The following MAST4 variants were observed in gnomAD, a reference collection of about 807,000 sequenced individuals.
The protein encoded by MAST4 is microtubule-associated serine/threonine-protein kinase 4.
A neutral mutation model predicts 162.7 loss-of-function variants in MAST4; 89 were observed. The observed-to-expected ratio is 0.55, with a 90% CI of 0.46 to 0.65. The LOEUF is 0.65. Among genes scored for constraint, MAST4 ranks in the 30% least tolerant of loss-of-function variants. The pLI, the probability that MAST4 is intolerant of heterozygous loss-of-function variation, is 0.00. For missense variants in MAST4, 3,153 were observed against 3,374.0 expected (o/e 0.93, Z 1.62); for synonymous variants, 1,479 against 1,361.1 (o/e 1.09, Z -1.91).
intron 1 of MAST4, among the ~76,000 whole-genome samples, chr5:66,609,826 T>A (rs1467883546): frequency 1.3e-5 from 2 of 151,780 alleles, no homozygotes; most frequent in Non-Finnish European, 2.9e-5. Context: ...GAGTGTATAG[T>A]ACCATACACT....
At position 66,940,719 on chromosome 5, in the gene MAST4, A is replaced by G. The variant is rs184165749; in HGVS notation, c.674+40737A>G. On this transcript the variant is annotated intron_variant, in intron 4 of 28. Transcript: ENST00000403625. Reference sequence around the variant, plus strand: ...CAGTCATCTGTGAGAGTTGGAATCAATTTCTTCCACACTTCTGTTTAGGTT... The same window carrying G: ...CAGTCATCTGTGAGAGTTGGAATCAGTTTCTTCCACACTTCTGTTTAGGTT... Among the ~76,000 whole-genome samples, 586 of 152,150 alleles carry G rather than the reference A, an allele frequency of 3.9e-3. 7 individuals are homozygous for G. The highest frequency in any genetic ancestry group is 6.8e-3 in the Middle Eastern group (2 of 294).
At chr5:66,985,789 T>C (rs1581110913) in intron 4 of MAST4, among the ~76,000 whole-genome samples, 1 of 152,204 alleles carries the variant, frequency 6.6e-6, no homozygotes, top group East Asian at 1.9e-4. Context: ...GCTTCCTATG[T>C]CGTTGAATTA....
intron 4 of MAST4, among the ~76,000 whole-genome samples, chr5:66,907,165 G>GAC (rs1763412851): frequency 6.9e-5 from 2 of 29,192 alleles, no homozygotes; most frequent in African/African-American, 3.2e-4. Context: ...AAGCGAGAGA[G>GAC]AGAGAGAGAG....
intron 3 of MAST4, among the ~76,000 whole-genome samples, chr5:66,866,272 G>A (rs557445340): frequency 1.1e-3 from 165 of 152,180 alleles, no homozygotes; most frequent in Non-Finnish European, 1.9e-3. Flanking sequence ...AAAAGTCTGC[G>A]TTTAACTGGA....
At chr5:66,893,471 A>G (rs1580789555) in intron 3 of MAST4, among the ~76,000 whole-genome samples, 1 of 151,870 alleles carries the variant, frequency 6.6e-6, no homozygotes, top group Non-Finnish European at 1.5e-5. Flanking sequence ...CAAGTGATCC[A>G]CACGTCTCGG....
intron 5 of MAST4, among the ~76,000 whole-genome samples, chr5:67,076,820 A>G (rs1250824598): frequency 1.3e-5 from 2 of 152,198 alleles, no homozygotes; most frequent in Non-Finnish European, 2.9e-5. Context: ...AGTGGTTATT[A>G]AAGTGATTCC....
chr5:66,845,126 T>TAC (rs1554058478), intron 3 of MAST4, among the ~76,000 whole-genome samples: 4,628 of 66,390 alleles, frequency 0.07, 333 homozygotes, highest in East Asian at 0.089. Flanking sequence ...TATATATATA[T>TAC]ACACACACAC....
rs937390790 is a variant in MAST4, at chr5:66,925,050, A to G, written c.674+25068A>G. Among the ~76,000 whole-genome samples the G allele has an allele frequency of 1.1e-4, 16 of 152,328 alleles. No individual in the cohort carries two copies. In the East Asian group the frequency reaches 2.7e-3, roughly 26 times the overall value. ...GATAGTTTTTACCCATAATCTAACC[A>G]TGTAGGATAGTTGGCACAAATGTTT... is the stretch of plus-strand genomic sequence containing the variant. On this transcript the variant is annotated intron_variant, in intron 4 of 28. Transcript: ENST00000403625.
chr5:67,055,109 C>A (rs562950034), intron 5 of MAST4, among the ~76,000 whole-genome samples: 25 of 151,560 alleles, frequency 1.6e-4, no homozygotes, highest in Non-Finnish European at 3.1e-4. Flanking sequence ...GAGCCATTTG[C>A]CCAAGATGTT....
chr5:67,009,702 C>T (rs367962227), intron 4 of MAST4, among the ~76,000 whole-genome samples: 4 of 152,104 alleles, frequency 2.6e-5, no homozygotes, highest in African/African-American at 9.6e-5. Flanking sequence ...GGTGAAGCTG[C>T]GGAGGAGAGC....
At chr5:66,729,696 C>T (rs1257684209) in intron 1 of MAST4, among the ~76,000 whole-genome samples, 2 of 152,120 alleles carry the variant, frequency 1.3e-5, no homozygotes, top group East Asian at 1.9e-4. Flanking sequence ...GGGAAGCCAT[C>T]GTGATTAGGA....
chr5:67,011,074 C>T (rs1164025806), intron 4 of MAST4, among the ~76,000 whole-genome samples: 1 of 152,160 alleles, frequency 6.6e-6, no homozygotes, highest in African/African-American at 2.4e-5. Context: ...TTCCTTTTCA[C>T]CTCCCTCTGG....
intron 1 of MAST4, among the ~76,000 whole-genome samples, chr5:66,647,898 T>C (rs151152314): frequency 7.9e-5 from 12 of 152,112 alleles, no homozygotes; most frequent in African/African-American, 2.9e-4. Flanking sequence ...GAGGGAAAGG[T>C]GGGAATTAAA....
chr5:66,931,488 G>A (rs1005828504), intron 4 of MAST4, among the ~76,000 whole-genome samples: 2 of 152,154 alleles, frequency 1.3e-5, no homozygotes, highest in African/African-American at 4.8e-5. Context: ...GTTGCAATGA[G>A]GTTTGTGAAA....
intron 3 of MAST4, among the ~76,000 whole-genome samples, chr5:66,864,375 G>A (rs1199282132): frequency 1.3e-5 from 2 of 152,098 alleles, no homozygotes; most frequent in East Asian, 3.9e-4. Flanking sequence ...TTTGGGAACA[G>A]CGCAAAGACC....
At chr5:67,105,781 A>C (rs572172742) in intron 10 of MAST4, among the ~76,000 whole-genome samples, 2 of 152,322 alleles carry the variant, frequency 1.3e-5, no homozygotes, top group South Asian at 4.1e-4. Flanking sequence ...TTATCTCATC[A>C]CGCACAGATG....
intron 1 of MAST4, among the ~76,000 whole-genome samples, chr5:66,696,451 C>T (rs1749409499): frequency 6.6e-6 from 1 of 152,166 alleles, no homozygotes; most frequent in African/African-American, 2.4e-5. Flanking sequence ...CACACCCACT[C>T]ATTCACTGAT....
At chr5:66,949,738 A>G (rs1744446116) in intron 4 of MAST4, among the ~76,000 whole-genome samples, 2 of 151,998 alleles carry the variant, frequency 1.3e-5, no homozygotes, top group Admixed American at 1.3e-4. Context: ...TTGTCTTTTA[A>G]TCCTATTTTT....
intron 5 of MAST4, among the ~76,000 whole-genome samples, chr5:67,057,261 G>T (rs756053818): frequency 1.3e-5 from 2 of 152,258 alleles, no homozygotes; most frequent in Non-Finnish European, 1.5e-5. Flanking sequence ...GTTGGACAAA[G>T]AGTGTCAGGC....
Sources: allele counts gnomAD v4.1 joint callset (sites outside exome capture counted in the v4.1 genomes callset), GRCh38; gene constraint gnomAD v4.1.1; transcripts MANE v1.5; gene names NCBI Gene and HGNC (gene_info 2026-07-23, HGNC 2026-07-21).